GOLGA1: variants seen among roughly 807,000 people sequenced by gnomAD.
The protein encoded by GOLGA1 is golgin subfamily A member 1.
Under a neutral mutation model 119.7 loss-of-function variants are expected in GOLGA1, and 63 were observed. The observed-to-expected ratio is 0.53, with a 90% CI of 0.43 to 0.65. The LOEUF is 0.65. Ranked by LOEUF, GOLGA1 falls within the 30% of genes least tolerant of loss-of-function variation. The probability of loss-of-function intolerance (pLI) is 0.00; values close to 1 mark genes in which losing one functional copy is unlikely to be tolerated. For synonymous variants in GOLGA1, 318 were observed against 333.4 expected, an observed-to-expected ratio of 0.95 and a Z score of 0.50; for missense variants, 798 against 912.8, an observed-to-expected ratio of 0.87 and a Z score of 1.62.
At chr9:124,893,254 A>C (rs1223295689) in intron 15 of GOLGA1, among the ~76,000 whole-genome samples, 4 of 152,200 alleles carry the variant, frequency 2.6e-5, no homozygotes, top group African/African-American at 9.7e-5. Context: ...TATTAATTTC[A>C]GTTATTCTAT....
intron 19 of GOLGA1, among the ~76,000 whole-genome samples, chr9:124,884,139 G>C (rs549541215): frequency 6.6e-6 from 1 of 152,030 alleles, no homozygotes; most frequent in South Asian, 2.1e-4. Context: ...AGTCTCCTGA[G>C]TAGCTGGGAT....
At chr9:124,943,789 T>C (rs1474078957), upstream of GOLGA1, 1 of 152,154 alleles carries the variant, frequency 6.6e-6, no homozygotes, top group Non-Finnish European at 1.5e-5. Flanking sequence ...TGATTAGAAC[T>C]TAAAAAAGGG....
At chr9:124,935,794 A>G (rs1397725483) in intron 3 of GOLGA1, among the ~76,000 whole-genome samples, 1 of 151,464 alleles carries the variant, frequency 6.6e-6, no homozygotes. Context: ...AAGAAATAGA[A>G]GCCATAATAC....
chr9:124,896,845 T>C (rs979614668), intron 15 of GOLGA1, among the ~76,000 whole-genome samples: 1 of 152,020 alleles, frequency 6.6e-6, no homozygotes, highest in Non-Finnish European at 1.5e-5. Flanking sequence ...GGTGGGAGGA[T>C]TGCTTGAGCC....
intron 10 of GOLGA1, among the ~76,000 whole-genome samples, chr9:124,917,455 A>C (rs1469518162): frequency 2.0e-5 from 3 of 152,120 alleles, no homozygotes; most frequent in Non-Finnish European, 4.4e-5. Context: ...AAAAATACAG[A>C]CTTTTCTCTT....
intron 12 of GOLGA1, among the ~76,000 whole-genome samples, chr9:124,903,619 C>A (rs1268094985): frequency 3.6e-5 from 5 of 139,834 alleles, no homozygotes; most frequent in Non-Finnish European, 6.0e-5. Context: ...CATAGGGAGA[C>A]CCTGTTCTCC....
At chr9:124,884,677 C>G (rs1358638439) in intron 19 of GOLGA1, among the ~76,000 whole-genome samples, 2 of 152,162 alleles carry the variant, frequency 1.3e-5, no homozygotes. Context: ...TCCAACACAC[C>G]CAATTTTGTA....
At chr9:124,914,943 G>T (rs762090572) in intron 10 of GOLGA1, among the ~76,000 whole-genome samples, 1 of 152,210 alleles carries the variant, frequency 6.6e-6, no homozygotes, top group Admixed American at 6.5e-5. Flanking sequence ...TATGCCTCTT[G>T]TGCAACATAT....
chr9:124,888,504 G>A lies in GOLGA1; in HGVS notation c.1762-108C>T, dbSNP rs1415888664. On this transcript the variant is annotated intron_variant, in intron 18 of 22. Transcript: ENST00000373555. The surrounding 1 kb of genome is among the most constrained non-coding windows in gnomAD (Gnocchi z 4.4). ...CTCGTCCCTTAGGTATGGGCGTTGT[G>A]CTCCAACAGGCAACTGGCCAGGAAG... The A allele has an allele frequency of 4.3e-6, 4 of 921,854 alleles. No homozygotes were observed. Among genetic ancestry groups the A allele is most frequent in the Non-Finnish European group, 5.1e-6 (3 of 590,008 alleles). 57.1% of individuals were successfully genotyped at this position (921,854 alleles called of 1,614,324 possible).
intron 13 of GOLGA1, among the ~76,000 whole-genome samples, 176 bp from the exon 14 acceptor site, chr9:124,899,654 G>A (rs918148334): frequency 6.6e-6 from 1 of 152,168 alleles, no homozygotes; most frequent in Non-Finnish European, 1.5e-5. Context: ...CCTGGACCCT[G>A]GCCTGTCCAG....
intron 19 of GOLGA1, among the ~76,000 whole-genome samples, chr9:124,882,924 C>T (rs1180864711): frequency 3.9e-5 from 6 of 152,076 alleles, no homozygotes; most frequent in South Asian, 2.1e-4. Context: ...CCTCAAAATT[C>T]AATTTTTATG....
chr9:124,882,592 GA>G, intron 19 of GOLGA1, 23 bp from the exon 20 acceptor site: 1 of 1,603,324 alleles, frequency 6.2e-7, no homozygotes, highest in Non-Finnish European at 8.5e-7. Flanking sequence ...CCACCCCACA[GA>G]AAGCCAATCG....
intron 7 of GOLGA1, among the ~76,000 whole-genome samples, chr9:124,926,448 C>A (rs915193874): frequency 6.6e-6 from 1 of 152,118 alleles, no homozygotes; most frequent in Admixed American, 6.5e-5. Flanking sequence ...CCTGCTGATA[C>A]AGTTTCTATC....
chr9:124,946,265 T>A lies in GOLGA1; in HGVS notation c.-156+1653A>T, dbSNP rs918805656. The A allele has an allele frequency of 8.5e-5, 13 of 152,244 alleles. No homozygotes were observed. Among genetic ancestry groups the A allele is most frequent in the African/African-American group, 3.1e-4 (13 of 41,464 alleles). 9.4% of individuals were successfully genotyped at this position (152,244 alleles called of 1,614,324 possible). On this transcript the variant is annotated intron_variant, in intron 1 of 4. Transcript: ENST00000421514. The surrounding 1 kb of genome is among the most constrained non-coding windows in gnomAD (Gnocchi z 4.0). The stretch of plus-strand genomic sequence containing the variant: ...TCAGAAATAATAAATTACCAAATTT[T>A]AATATTTATTCAAGAAAAATGCTGT...
rs1327560862 is a variant in GOLGA1, at chr9:124,947,916, A to G, written c.-156+2T>C. On this transcript the variant is annotated splice_donor_variant, in intron 1 of 4. Coordinates refer to the GOLGA1 transcript ENST00000421514. LOFTEE classifies it low-confidence loss of function (5UTR_SPLICE). ...AATGGCCAAATTAGCAGACCTTGGT[A>G]CCTGACTATATTTCCAGTCCAGAGT... 1 of 152,202 alleles carries G rather than the reference A, an allele frequency of 6.6e-6. No individual in the cohort carries two copies. Among genetic ancestry groups the G allele is most frequent in the Non-Finnish European group, 1.5e-5 (1 of 68,034 alleles). 9.4% of individuals were successfully genotyped at this position (152,202 alleles called of 1,614,324 possible). A position where few individuals can be genotyped will look rare whatever the true frequency, so the allele number is the denominator to read the frequency against.
chr9:124,899,411 T>A lies in GOLGA1; in HGVS notation c.1229A>T (p.Glu410Val), dbSNP rs1564328908. 1 of 1,548,802 alleles carries A rather than the reference T, an allele frequency of 6.5e-7. No individual in the cohort carries two copies. Among genetic ancestry groups the A allele is most frequent in the Non-Finnish European group, 8.7e-7 (1 of 1,147,520 alleles). Reference sequence around the variant, plus strand: ...CTGGGCTTCTAGCGCCTGGGTGCGCTCCAAGAACTGCTGCTCCAGAGCAAG... The same window carrying A: ...CTGGGCTTCTAGCGCCTGGGTGCGCACCAAGAACTGCTGCTCCAGAGCAAG... The part of the protein sequence containing the change: ...QALALEQQFL[E>V]RTQALEAQIV... Residue 410 changes from glutamate to valine, a missense_variant, in exon 14 of 23, where the codon GAG (glutamate) becomes GTG (valine). Glu to Val is a moderately radical substitution (Grantham distance 121). Coordinates refer to ENST00000373555, the MANE Select transcript of GOLGA1 (RefSeq NM_002077.4).
chr9:124,910,171 C>A (rs768008925), intron 11 of GOLGA1, among the ~76,000 whole-genome samples: 2 of 152,000 alleles, frequency 1.3e-5, no homozygotes, highest in Non-Finnish European at 2.9e-5. Context: ...TCTTGTGATC[C>A]GCCCGCCTCG....
Position 124,920,109 on chromosome 9 carries a change from G to A in GOLGA1, c.843+1020C>T, listed in dbSNP as rs541591013. Among the ~76,000 whole-genome samples, 52 of 151,634 alleles carry A rather than the reference G, an allele frequency of 3.4e-4. 1 individual carries two copies. The highest frequency in any genetic ancestry group is 6.0e-4 in the Non-Finnish European group (41 of 67,926). On this transcript the variant is annotated intron_variant, in intron 10 of 22. Coordinates refer to ENST00000373555, the MANE Select transcript of GOLGA1 (RefSeq NM_002077.4). ...CCAAGTACTGGAATTACAGGTGCAC[G>A]CCACCACACCCAGCCTTATTTTTAT... is the stretch of plus-strand genomic sequence containing the variant.
At chr9:124,910,901 A>AC (rs1265318855) in intron 11 of GOLGA1, among the ~76,000 whole-genome samples, 1 of 152,074 alleles carries the variant, frequency 6.6e-6, no homozygotes, top group Admixed American at 6.6e-5. Context: ...ACCCAACCTG[A>AC]CCCCATCTGT....
Sources: allele counts gnomAD v4.1 joint callset (sites outside exome capture counted in the v4.1 genomes callset), GRCh38; gene constraint gnomAD v4.1.1; non-coding constraint Gnocchi (gnomAD v3.1); transcripts MANE v1.5; gene names NCBI Gene and HGNC (gene_info 2026-07-23, HGNC 2026-07-21).